CSNK1E: variants seen among roughly 807,000 people sequenced by gnomAD.
The protein encoded by CSNK1E is casein kinase 1 epsilon, also known as casein kinase I isoform epsilon.
CSNK1E carries 17 observed loss-of-function variants against 46.1 expected under a neutral mutation model. That is an observed-to-expected ratio of 0.37 (90% confidence interval 0.25 to 0.55). The LOEUF is 0.55. Among genes scored for constraint, CSNK1E ranks in the 20% least tolerant of loss-of-function variants. The pLI, the probability that CSNK1E is intolerant of heterozygous loss-of-function variation, is 0.82. For missense variants in CSNK1E, 386 were observed against 595.4 expected, an observed-to-expected ratio of 0.65 and a Z score of 3.66; for synonymous variants, 241 against 242.6, an observed-to-expected ratio of 0.99 and a Z score of 0.06.
chr22:38,294,621 G>A lies in CSNK1E; in HGVS notation c.886-87C>T. On this transcript the variant is annotated intron_variant, in intron 7 of 10. Coordinates refer to ENST00000396832, the MANE Select transcript of CSNK1E (RefSeq NM_152221.3). This position sits in a 1 kb window ranked among gnomAD's most constrained non-coding sequence, Gnocchi z 5.5. ...AGCCCTGCAGGGCACAGAAGGGGAG[G>A]GAGGCCAGGTGGATATCTCAGAAAC... The A allele has an allele frequency of 1.5e-6, 2 of 1,307,672 alleles. No individual in the cohort carries two copies. Among genetic ancestry groups the A allele is most frequent in the Middle Eastern group, 2.3e-4 (1 of 4,302 alleles). The allele number at this position is 1,307,672 out of a possible 1,614,324, so 81.0% of individuals were successfully genotyped here.
chr22:38,305,218 A>C (rs2092692913), intron 2 of CSNK1E, among the ~76,000 whole-genome samples: 1 of 152,008 alleles, frequency 6.6e-6, no homozygotes, highest in Non-Finnish European at 1.5e-5. Context: ...TACAGATTTA[A>C]ACACGAAAGA....
intron 4 of CSNK1E, 38 bp downstream of exon 4, chr22:38,302,823 C>T: frequency 6.2e-7 from 1 of 1,610,666 alleles, no homozygotes; most frequent in Non-Finnish European, 8.5e-7. Flanking sequence ...CCTGGGCCCA[C>T]AGGCATCTGG....
At position 38,294,813 on chromosome 22, in the gene CSNK1E, C is replaced by T. The variant is rs6001087; in HGVS notation, c.886-279G>A. On this transcript the variant is annotated intron_variant, in intron 7 of 10. Transcript: ENST00000396832. The surrounding 1 kb of genome is among the most constrained non-coding windows in gnomAD (Gnocchi z 5.5). ...TGGGATGGAGCCAGAGAAAGGACAA[C>T]TAATGCGCCCAGGATGATCAAGAGC... is the stretch of plus-strand genomic sequence containing the variant. 6.6e-6 allele frequency among the ~76,000 whole-genome samples: 1 copy of T among 152,180 alleles called. No homozygotes were observed. The highest frequency in any genetic ancestry group is 1.5e-5 in the Non-Finnish European group (1 of 68,024).
intron 2 of CSNK1E, among the ~76,000 whole-genome samples, chr22:38,304,931 A>G (rs2092691178): frequency 6.6e-6 from 1 of 152,012 alleles, no homozygotes. Context: ...AGACCAGCCC[A>G]GCCAAGGTGG....
intron 9 of CSNK1E, 29 bp from the exon 10 acceptor site, chr22:38,293,348 G>A (rs368611889): frequency 7.5e-6 from 10 of 1,338,380 alleles, no homozygotes; most frequent in African/African-American, 5.7e-5. Context: ...GAGAGAGGGG[G>A]AGGGAGAGAG....
chr22:38,303,079 T>C lies in CSNK1E; in HGVS notation c.187+59A>G, dbSNP rs2092681780. Reference sequence around the variant, plus strand: ...AGCCAGCCACGCCCGGCCCACCCTGTGCTCATGGCTGCCCACCGCCACCCA... The same window carrying C: ...AGCCAGCCACGCCCGGCCCACCCTGCGCTCATGGCTGCCCACCGCCACCCA... On this transcript the variant is annotated intron_variant, in intron 3 of 10. Transcript: ENST00000396832. The surrounding 1 kb of genome is among the most constrained non-coding windows in gnomAD (Gnocchi z 4.7). The C allele has an allele frequency of 3.7e-6, 6 of 1,600,302 alleles. No individual in the cohort carries two copies. Among genetic ancestry groups the C allele is most frequent in the Middle Eastern group, 1.7e-4 (1 of 6,024 alleles).
In CSNK1E at chr22:38,293,122, G is replaced by T. The variant is rs2092620110; in HGVS notation, c.*32+133C>A. On this transcript the variant is annotated intron_variant, in intron 10 of 10. Coordinates refer to ENST00000396832, the MANE Select transcript of CSNK1E (RefSeq NM_152221.3). ...TTTAAACTACTTGAGGCCCCTTAGA[G>T]TTCTGGGGCGCCTGGTACCATCTGC... 9 of 766,636 alleles carry T rather than the reference G, an allele frequency of 1.2e-5. No homozygotes were observed. In the Admixed American group the frequency reaches 1.7e-4, roughly 15 times the overall value. 47.5% of individuals were successfully genotyped at this position (766,636 alleles called of 1,614,324 possible). A position where few individuals can be genotyped will look rare whatever the true frequency, so the allele number is the denominator to read the frequency against.
intron 4 of CSNK1E, 88 bp downstream of exon 4, chr22:38,302,773 T>A: frequency 6.6e-7 from 1 of 1,508,506 alleles, no homozygotes; most frequent in Non-Finnish European, 9.1e-7. Context: ...CCCAGGCCCA[T>A]CCTCTGGCAT....
chr22:38,315,027 G>T (rs948143547), intron 1 of CSNK1E, among the ~76,000 whole-genome samples: 1 of 152,184 alleles, frequency 6.6e-6, no homozygotes, highest in Non-Finnish European at 1.5e-5. Flanking sequence ...ACAGGGGGAG[G>T]GGTGTTTACA....
intron 4 of CSNK1E, 110 bp from the exon 5 acceptor site, chr22:38,301,062 C>G: frequency 2.3e-6 from 2 of 876,024 alleles, no homozygotes; most frequent in Non-Finnish European, 1.8e-6. Flanking sequence ...AAAGGCCTGC[C>G]TTCGACCATG....
Position 38,303,364 on chromosome 22 carries a change from T to A in CSNK1E, c.77-116A>T. 1.2e-6 allele frequency: 1 copy of A among 846,642 alleles called. No homozygotes were observed. The highest frequency in any genetic ancestry group is 1.8e-6 in the Non-Finnish European group (1 of 556,080). The allele number at this position is 846,642 out of a possible 1,614,324, so 52.4% of individuals were successfully genotyped here. A position where few individuals can be genotyped will look rare whatever the true frequency, so the allele number is the denominator to read the frequency against. ...GTGCCGGGCCCGGGGCCATCTGCCCTTGAGGAGCTCTTGGGGGAGGCTGGG... is the reference window on the plus strand; with the variant it reads ...GTGCCGGGCCCGGGGCCATCTGCCCATGAGGAGCTCTTGGGGGAGGCTGGG... On this transcript the variant is annotated intron_variant, in intron 2 of 10. Coordinates refer to ENST00000396832, the MANE Select transcript of CSNK1E (RefSeq NM_152221.3). This position sits in a 1 kb window ranked among gnomAD's most constrained non-coding sequence, Gnocchi z 4.7.
In CSNK1E at chr22:38,300,861, T is replaced by A; in HGVS notation, c.428A>T (p.Asn143Ile). 6.2e-7 allele frequency: 1 copy of A among 1,614,196 alleles called. No homozygotes were observed. The highest frequency in any genetic ancestry group is 8.5e-7 in the Non-Finnish European group (1 of 1,180,026). ...NFLMGLGKKG[N>I]LVYIIDFGLA... is the part of the protein sequence containing the mutation. ...GCCGAAGTCGATGATGTAGACCAGG[T>A]TGCCCTTCTTCCCCAGCCCCATGAG... Residue 143 changes from asparagine to isoleucine, a missense_variant, in exon 5 of 11, where the codon AAC becomes ATC. Transcript: ENST00000396832. This position sits in a 1 kb window ranked among gnomAD's most constrained non-coding sequence, Gnocchi z 4.4.
Position 38,299,998 on chromosome 22 carries a change from C to A in CSNK1E, c.633G>T (p.Leu211=), listed in dbSNP as rs765797254. The A allele has an allele frequency of 1.2e-6, 2 of 1,614,200 alleles. No homozygotes were observed. The highest frequency in any genetic ancestry group is 2.2e-5 in the South Asian group (2 of 91,092). ...TGGCTGCTTTGAGCCCCTGCCAGGG[C>A]AGGGAGCCCAGGTTGAAGTACATGA... ...YVLMYFNLGS[L]PWQGLKAATK... Residue 211 remains leucine, a synonymous_variant, in exon 6 of 11, where the codon CTG becomes CTT. Coordinates refer to ENST00000396832, the MANE Select transcript of CSNK1E (RefSeq NM_152221.3).
At position 38,314,171 on chromosome 22, in the gene CSNK1E, T is replaced by C. The variant is rs1488255077; in HGVS notation, c.-12-2A>G. ...ACGTAGCTCCATGGCTCACTCTTGCTGCAGAGGAAGCAGGAACATGAGGGT... is the reference window on the plus strand; with the variant it reads ...ACGTAGCTCCATGGCTCACTCTTGCCGCAGAGGAAGCAGGAACATGAGGGT... On this transcript the variant is annotated splice_acceptor_variant, in intron 1 of 10. Coordinates refer to ENST00000396832, the MANE Select transcript of CSNK1E (RefSeq NM_152221.3). LOFTEE classifies it low-confidence loss of function (5UTR_SPLICE). The C allele has an allele frequency of 1.1e-5, 17 of 1,613,588 alleles. No homozygotes were observed. The highest frequency in any genetic ancestry group is 1.4e-5 in the Non-Finnish European group (17 of 1,179,594).
Position 38,298,313 on chromosome 22 carries a change from A to C in CSNK1E, c.885+473T>G. 2 of 801,554 alleles carry C rather than the reference A, an allele frequency of 2.5e-6. No individual in the cohort carries two copies. Among genetic ancestry groups the C allele is most frequent in the Non-Finnish European group, 3.6e-6 (2 of 562,514 alleles). The allele number at this position is 801,554 out of a possible 1,614,324, so 49.7% of individuals were successfully genotyped here. On this transcript the variant is annotated intron_variant, in intron 7 of 10. Transcript: ENST00000396832. The surrounding 1 kb of genome is among the most constrained non-coding windows in gnomAD (Gnocchi z 4.2). ...CCAACCCCACCCCTGGGACTCTTAA[A>C]AGAGGGAAACAGAACAACTGCCTAG...
At chr22:38,315,427 C>G (rs1450844997) in intron 1 of CSNK1E, among the ~76,000 whole-genome samples, 1 of 152,220 alleles carries the variant, frequency 6.6e-6, no homozygotes, top group Non-Finnish European at 1.5e-5. Context: ...CCAGAGCTGG[C>G]CAAACTCTGG....
chr22:38,314,687 C>T (rs758583414), intron 1 of CSNK1E, among the ~76,000 whole-genome samples: 5 of 152,242 alleles, frequency 3.3e-5, no homozygotes, highest in Non-Finnish European at 5.9e-5. Context: ...ACACGGAGGC[C>T]CATAGCCGCT....
intron 2 of CSNK1E, among the ~76,000 whole-genome samples, chr22:38,305,103 C>T (rs375709310): frequency 3.6e-5 from 4 of 110,030 alleles, no homozygotes; most frequent in African/African-American, 7.2e-5. Context: ...GCCTGGGTGA[C>T]GGAGTGAAAC....
intron 2 of CSNK1E, among the ~76,000 whole-genome samples, chr22:38,305,609 A>T (rs1469803780): frequency 1.3e-5 from 2 of 152,250 alleles, no homozygotes; most frequent in Non-Finnish European, 2.9e-5. Context: ...AGCAGAAAAT[A>T]GGCCAAAGGA....
Sources: allele counts gnomAD v4.1 joint callset (sites outside exome capture counted in the v4.1 genomes callset), GRCh38; gene constraint gnomAD v4.1.1; non-coding constraint Gnocchi (gnomAD v3.1); transcripts MANE v1.5; gene names NCBI Gene and HGNC (gene_info 2026-07-23, HGNC 2026-07-21).